The following F13A1 variants were observed in gnomAD, a reference collection of about 807,000 sequenced individuals.
F13A1 encodes the protein coagulation factor XIII A chain, also known as FSF, A subunit.
A neutral mutation model predicts 80.1 loss-of-function variants in F13A1; 47 were observed. The observed-to-expected ratio is 0.59, with a 90% CI of 0.46 to 0.75. The LOEUF is 0.75. Among genes scored for constraint, F13A1 ranks in the 30% least tolerant of loss-of-function variants. The probability of loss-of-function intolerance (pLI) is 0.00; values close to 1 mark genes in which losing one functional copy is unlikely to be tolerated. For synonymous variants in F13A1, 349 were observed against 344.9 expected (o/e 1.01, Z -0.13); for missense variants, 817 against 930.4 (o/e 0.88, Z 1.59).
rs1204457999 is a variant in F13A1, at chr6:6,316,067, A to ATG, written c.130+2466_130+2467dup. 8.2e-4 allele frequency among the ~76,000 whole-genome samples: 71 copies of ATG among 86,714 alleles called. 2 individuals carry two copies. The highest frequency in any genetic ancestry group is 3.2e-3 in the South Asian group (7 of 2,156). The allele number at this position is 86,714 out of a possible 152,430, so 56.9% of individuals were successfully genotyped here. ...TTGTTCAGATGGTTTGTGTGCTGCTATGTGTGTGTGCATATATATATATAT... is the reference window on the plus strand; with the variant it reads ...TTGTTCAGATGGTTTGTGTGCTGCTATGTGTGTGTGTGCATATATATATATAT... On this transcript the variant is annotated intron_variant, in intron 2 of 14. Coordinates refer to ENST00000264870, the MANE Select transcript of F13A1 (RefSeq NM_000129.4).
intron 6 of F13A1, among the ~76,000 whole-genome samples, chr6:6,226,109 G>GT (rs958347336): frequency 3.3e-5 from 5 of 152,190 alleles, no homozygotes; most frequent in South Asian, 4.1e-4. Flanking sequence ...CATCTTGCCA[G>GT]TTTTTTTCTG....
intron 4 of F13A1, among the ~76,000 whole-genome samples, chr6:6,259,933 T>G (rs1052325359): frequency 7.9e-5 from 12 of 152,242 alleles, no homozygotes; most frequent in Non-Finnish European, 1.6e-4. Context: ...ACCCACTATC[T>G]GGCACTAGTG....
At chr6:6,260,090 C>T (rs780867091) in intron 4 of F13A1, among the ~76,000 whole-genome samples, 38 of 152,324 alleles carry the variant, frequency 2.5e-4, no homozygotes, top group South Asian at 1.0e-3. Context: ...TTCTCTCTAA[C>T]ACCCAGGAGA....
intron 10 of F13A1, among the ~76,000 whole-genome samples, chr6:6,183,141 T>C (rs1431837424): frequency 6.6e-6 from 1 of 152,174 alleles, no homozygotes; most frequent in African/African-American, 2.4e-5. Context: ...GTTATTATCA[T>C]GGAAGCAGGT....
chr6:6,146,218 A>T (rs938008685), intron 14 of F13A1, among the ~76,000 whole-genome samples: 3 of 152,122 alleles, frequency 2.0e-5, no homozygotes, highest in African/African-American at 7.2e-5. Context: ...AGGCCCTGAC[A>T]CTCGAATTAG....
chr6:6,220,156 G>A (rs529310996), intron 8 of F13A1, among the ~76,000 whole-genome samples: 35 of 152,288 alleles, frequency 2.3e-4, no homozygotes, highest in African/African-American at 8.4e-4. Flanking sequence ...CCCGCAGTCA[G>A]TCAGAGCATC....
At chr6:6,149,160 C>T (rs868318017) in intron 14 of F13A1, among the ~76,000 whole-genome samples, 9 of 152,018 alleles carry the variant, frequency 5.9e-5, no homozygotes, top group African/African-American at 2.2e-4. Context: ...GATAAGGTAA[C>T]TATGATTAAC....
In F13A1 at chr6:6,222,068, C is replaced by A; in HGVS notation, c.1077G>T (p.Gly359=). The A allele has an allele frequency of 1.9e-6, 3 of 1,614,016 alleles. No individual in the cohort carries two copies. Among genetic ancestry groups the A allele is most frequent in the Non-Finnish European group, 2.5e-6 (3 of 1,179,940 alleles). The change falls in exon 8 of 15, where the codon GGG becomes GGT. Residue 359 remains glycine (G), a synonymous_variant. Transcript: ENST00000264870. Reference sequence around the variant, plus strand: ...CCTTGGTGAGTTTGGAATTCACGTTCCCATCTTCTTCCAGGAAGATGTCCA... The same window carrying A: ...CCTTGGTGAGTTTGGAATTCACGTTACCATCTTCTTCCAGGAAGATGTCCA... The part of the protein sequence containing the change: ...LQMDIFLEED[G]NVNSKLTKDS...
At chr6:6,316,403 G>C (rs1172526898) in intron 2 of F13A1, among the ~76,000 whole-genome samples, 1 of 151,674 alleles carries the variant, frequency 6.6e-6, no homozygotes, top group African/African-American at 2.4e-5. Flanking sequence ...TGCCTCTAAT[G>C]GATATCCCAG....
chr6:6,305,077 T>C, intron 3 of F13A1: 1 of 479,316 alleles, frequency 2.1e-6, no homozygotes, highest in Non-Finnish European at 3.8e-6. Context: ...GCCAAAACCA[T>C]TTGTTTGAGG....
chr6:6,159,654 G>A (rs1760538704), intron 13 of F13A1, among the ~76,000 whole-genome samples: 1 of 152,128 alleles, frequency 6.6e-6, no homozygotes, highest in South Asian at 2.1e-4. Flanking sequence ...TGCTGGCCTG[G>A]AGGGAAGCCG....
intron 2 of F13A1, among the ~76,000 whole-genome samples, chr6:6,312,832 T>C (rs1438462027): frequency 1.3e-5 from 2 of 151,934 alleles, no homozygotes; most frequent in East Asian, 1.9e-4. Context: ...TGTAGTCAAA[T>C]GGAAAAGACA....
chr6:6,245,613 T>G (rs376821398), intron 6 of F13A1, among the ~76,000 whole-genome samples: 47 of 152,302 alleles, frequency 3.1e-4, no homozygotes, highest in African/African-American at 1.1e-3. Flanking sequence ...GCCTGAAAAC[T>G]CCTTGCCAAC....
At chr6:6,159,118 G>C (rs1760530171) in intron 13 of F13A1, among the ~76,000 whole-genome samples, 2 of 151,966 alleles carry the variant, frequency 1.3e-5, no homozygotes, top group Admixed American at 6.5e-5. Flanking sequence ...AGCCAGGATG[G>C]TCTCGATCTC....
At chr6:6,240,775 G>A (rs1742923) in intron 6 of F13A1, among the ~76,000 whole-genome samples, 17,273 of 152,104 alleles carry the variant, frequency 0.11, 1,136 homozygotes, top group East Asian at 0.15. Flanking sequence ...GTGACCTTAT[G>A]GTATTGTTTA....
chr6:6,166,239 G>A (rs1000480620), intron 13 of F13A1, among the ~76,000 whole-genome samples: 3 of 152,214 alleles, frequency 2.0e-5, no homozygotes, highest in Non-Finnish European at 2.9e-5. Context: ...GGGGTTGTTG[G>A]TGGTTGAAAA....
chr6:6,193,779 C>G (rs1039808504), intron 10 of F13A1, among the ~76,000 whole-genome samples: 6 of 152,172 alleles, frequency 3.9e-5, no homozygotes, highest in African/African-American at 1.4e-4. Context: ...GAAAACAAGG[C>G]TTTGTGGATT....
At chr6:6,190,766 C>T (rs544988949) in intron 10 of F13A1, among the ~76,000 whole-genome samples, 19 of 152,238 alleles carry the variant, frequency 1.2e-4, no homozygotes, top group African/African-American at 4.6e-4. Context: ...TTCGAGCTTC[C>T]TGGCTGCTTT....
In F13A1 at chr6:6,243,956, G is replaced by C. The variant is rs1366191640; in HGVS notation, c.798+4356C>G. Among the ~76,000 whole-genome samples the C allele has an allele frequency of 6.6e-6, 1 of 152,234 alleles. No individual in the cohort carries two copies. Among genetic ancestry groups the C allele is most frequent in the Non-Finnish European group, 1.5e-5 (1 of 68,048 alleles). On this transcript the variant is annotated intron_variant, in intron 6 of 14. Coordinates refer to ENST00000264870, the MANE Select transcript of F13A1 (RefSeq NM_000129.4). The surrounding 1 kb of genome is among the most constrained non-coding windows in gnomAD (Gnocchi z 4.2). ...AATTCTCTGCCCATAGTTGCTGCCA[G>C]ATCCTATCAGTCGGGAGGCAGGAAC...
Sources: gnomAD v4.1 joint callset for allele counts (sites outside exome capture counted in the v4.1 genomes callset) on GRCh38, gnomAD v4.1.1 for gene constraint, Gnocchi (gnomAD v3.1) non-coding constraint, MANE v1.5 for transcripts, NCBI Gene and HGNC (gene_info 2026-07-23, HGNC 2026-07-21) for gene names.